The following ZNF880 variants were observed in gnomAD, a reference collection of about 807,000 sequenced individuals.
ZNF880 encodes the protein zinc finger protein 880.
Under a neutral mutation model 11.8 loss-of-function variants are expected in ZNF880, and 12 were observed. The observed-to-expected ratio is 1.02, with a 90% confidence interval of 0.65 to 1.65. ZNF880 has a LOEUF of 1.65. Ranked by LOEUF, ZNF880 falls within the 40% of genes most tolerant of loss-of-function variation. The probability of loss-of-function intolerance (pLI) is 0.00; values close to 1 mark genes in which losing one functional copy is unlikely to be tolerated. For missense variants in ZNF880, 601 were observed against 673.9 expected (o/e 0.89, Z 1.20); for synonymous variants, 210 against 232.4 (o/e 0.90, Z 0.88).
upstream of ZNF880, chr19:52,369,833 G>A: frequency 5.9e-6 from 7 of 1,189,986 alleles, no homozygotes; most frequent in South Asian, 6.6e-5. Context: ...CCTCCAAAAC[G>A]AGACGAGCTG....
In ZNF880 at chr19:52,385,062, C is replaced by G. The variant is rs368213080; in HGVS notation, c.1482C>G (p.Cys494Trp). Residue 494 changes from cysteine (C) to tryptophan (W), a missense_variant, in exon 4 of 4, where the codon TGC (cysteine) becomes TGG (tryptophan). Coordinates refer to ENST00000422689, the MANE Select transcript of ZNF880 (RefSeq NM_001145434.2). ...RIHTGEKPYK[C>W]SECHKVFSHN... is the part of the protein sequence containing the mutation. ...ATACTGGAGAGAAACCTTACAAATG[C>G]AGTGAATGTCACAAAGTCTTTAGTC... is the stretch of plus-strand genomic sequence containing the variant. The G allele has an allele frequency of 3.8e-6, 6 of 1,559,530 alleles. No individual in the cohort carries two copies. Among genetic ancestry groups the G allele is most frequent in the African/African-American group, 1.4e-5 (1 of 71,966 alleles).
At chr19:52,387,826 G>A (rs370970110), downstream of ZNF880, among the ~76,000 whole-genome samples, 6 of 136,464 alleles carry the variant, frequency 4.4e-5, 1 homozygote, top group East Asian at 1.2e-3. Flanking sequence ...TTTCCTAGTA[G>A]TGCATGTCTT....
chr19:52,394,328 C>T, the ZNF880 span, among the ~76,000 whole-genome samples: 1 of 152,082 alleles, frequency 6.6e-6, no homozygotes, highest in Non-Finnish European at 1.5e-5. Context: ...CTGTGTCCTG[C>T]AGGCTTAAGT....
chr19:52,369,982 G>C lies in ZNF880; in HGVS notation c.12+5G>C. The C allele has an allele frequency of 6.4e-7, 1 of 1,551,610 alleles. No individual in the cohort carries two copies. The highest frequency in any genetic ancestry group is 8.7e-7 in the Non-Finnish European group (1 of 1,146,976). On this transcript the variant is annotated splice_donor_5th_base_variant and intron_variant, in intron 1 of 3. Coordinates refer to ENST00000422689, the MANE Select transcript of ZNF880 (RefSeq NM_001145434.2). ...GTGACGGTCATGCTGCGGCGTGTGAGTTTCCCTTTGTTTAGATTAAATCTG... is the reference window on the plus strand; with the variant it reads ...GTGACGGTCATGCTGCGGCGTGTGACTTTCCCTTTGTTTAGATTAAATCTG...
At chr19:52,379,402 C>CT (rs71304201) in intron 3 of ZNF880, 41,920 of 354,700 alleles carry the variant, frequency 0.12, 302 homozygotes, top group South Asian at 0.18. Context: ...TTTCATTTTT[C>CT]TTTTTTTTTT....
rs759819792 is a variant in ZNF880 at position 52,384,988 on chromosome 19, G to C, written c.1408G>C (p.Gly470Arg). Residue 470 changes from glycine (G) to arginine (R), a missense_variant, in exon 4 of 4, where the codon GGC becomes CGC. This residue lies in a region of ZNF880 where 177 missense variants were observed against 214.5 expected (regional missense o/e 0.83). Coordinates refer to ENST00000422689, the MANE Select transcript of ZNF880 (RefSeq NM_001145434.2). Reference sequence around the variant, plus strand: ...GAAACCTTACAGATGTGATGAATGTGGCAAGGACTTCACTCGAAATTCAAA... The same window carrying C: ...GAAACCTTACAGATGTGATGAATGTCGCAAGGACTTCACTCGAAATTCAAA... Reference protein sequence around the residue: ...GEKPYRCDECGKDFTRNSNLA... With the variant: ...GEKPYRCDECRKDFTRNSNLA... 7 of 1,566,660 alleles carry C rather than the reference G, an allele frequency of 4.5e-6. No individual in the cohort carries two copies. Among genetic ancestry groups the C allele is most frequent in the Non-Finnish European group, 6.1e-6 (7 of 1,154,766 alleles).
At position 52,369,962 on chromosome 19, in the gene ZNF880, G is replaced by A; in HGVS notation, c.-4G>A. The A allele has an allele frequency of 3.9e-6, 6 of 1,551,640 alleles. No homozygotes were observed. Among genetic ancestry groups the A allele is most frequent in the Non-Finnish European group, 5.2e-6 (6 of 1,146,974 alleles). ...CCGGAAGCAGATTACGTGGAGTGAC[G>A]GTCATGCTGCGGCGTGTGAGTTTCC... On this transcript the variant is annotated 5_prime_UTR_variant, in exon 1 of 4. Coordinates refer to ENST00000422689, the MANE Select transcript of ZNF880 (RefSeq NM_001145434.2).
intron 3 of ZNF880, chr19:52,374,732 T>C (rs1986503592): frequency 3.4e-6 from 2 of 587,646 alleles, no homozygotes; most frequent in Admixed American, 3.0e-5. Context: ...TGATTGAAGT[T>C]TGTTTTGTCT....
chr19:52,371,005 T>C (rs897654901), intron 1 of ZNF880, among the ~76,000 whole-genome samples: 2 of 152,146 alleles, frequency 1.3e-5, no homozygotes, highest in African/African-American at 4.8e-5. Flanking sequence ...TTTACTAGAG[T>C]ATATGTGTGT....
chr19:52,386,932 A>G (rs1568666995), downstream of ZNF880, among the ~76,000 whole-genome samples: 1 of 144,494 alleles, frequency 6.9e-6, no homozygotes, highest in Admixed American at 6.8e-5. Context: ...ATAATTTCCA[A>G]CTGTTTGATT....
chr19:52,381,966 G>A (rs1986718870), intron 3 of ZNF880, among the ~76,000 whole-genome samples: 1 of 151,978 alleles, frequency 6.6e-6, no homozygotes, highest in African/African-American at 2.4e-5. Flanking sequence ...GGATTCTTAA[G>A]GAAAATCTAT....
chr19:52,368,734 C>T (rs1986238549), upstream of ZNF880, among the ~76,000 whole-genome samples: 1 of 151,786 alleles, frequency 6.6e-6, no homozygotes, highest in East Asian at 1.9e-4. Flanking sequence ...ACATTGCCTC[C>T]AAATTCTATG....
downstream of ZNF880, among the ~76,000 whole-genome samples, chr19:52,386,171 CAAAAAAAAA>C (rs10674709): frequency 1.3e-5 from 1 of 77,358 alleles, no homozygotes; most frequent in Admixed American, 1.3e-4. Flanking sequence ...GACTCTGTCT[CAAAAAAAAA>C]AAAAAAAAGA....
At chr19:52,387,495 C>A (rs1241797257), downstream of ZNF880, among the ~76,000 whole-genome samples, 2 of 137,558 alleles carry the variant, frequency 1.5e-5, 1 homozygote, top group Non-Finnish European at 3.1e-5. Flanking sequence ...GTCACCCAGG[C>A]TGGAGTGCAG....
the ZNF880 span, among the ~76,000 whole-genome samples, chr19:52,393,067 G>GTTTTTTT: frequency 2.1e-5 from 3 of 141,746 alleles, no homozygotes. Flanking sequence ...AATCCTGTTA[G>GTTTTTTT]TTTTTTTTTT....
At chr19:52,394,226 A>C in the ZNF880 span, among the ~76,000 whole-genome samples, 1 of 151,994 alleles carries the variant, frequency 6.6e-6, no homozygotes, top group Non-Finnish European at 1.5e-5. Flanking sequence ...GTGTATAGAA[A>C]TATACAAGAT....
chr19:52,371,768 G>T (rs927818595), intron 1 of ZNF880, among the ~76,000 whole-genome samples: 2 of 152,188 alleles, frequency 1.3e-5, no homozygotes, highest in African/African-American at 4.8e-5. Flanking sequence ...AAGTTTCTTA[G>T]AATGTCTGAG....
the ZNF880 span, chr19:52,391,649 ACAT>A: frequency 6.6e-6 from 1 of 152,190 alleles, no homozygotes; most frequent in Non-Finnish European, 1.5e-5. Context: ...TCTATAATAA[ACAT>A]CACATTTGTT....
chr19:52,372,942 A>G (rs112139092), intron 1 of ZNF880, among the ~76,000 whole-genome samples, 169 bp from the exon 2 acceptor site: 2,089 of 151,058 alleles, frequency 0.014, 40 homozygotes, highest in African/African-American at 0.048. Context: ...AAAGAATGTC[A>G]TAACTTCTAA....
Sources: gnomAD v4.1 joint callset for allele counts (sites outside exome capture counted in the v4.1 genomes callset) on GRCh38, gnomAD v4.1.1 for gene constraint, gnomAD v4.1.1 regional missense constraint, MANE v1.5 for transcripts, NCBI Gene and HGNC (gene_info 2026-07-23, HGNC 2026-07-21) for gene names.